PCDHA11: variants seen among roughly 807,000 people sequenced by gnomAD.
PCDHA11 encodes protocadherin alpha 11, also known as protocadherin alpha-11.
Under a neutral mutation model 70.3 loss-of-function variants are expected in PCDHA11, and 61 were observed. The observed-to-expected ratio is 0.87, with a 90% CI of 0.71 to 1.07. PCDHA11 has a LOEUF of 1.07. PCDHA11 is among the 50% of genes least tolerant of loss of function. PCDHA11 has a pLI of 0.00. For missense variants in PCDHA11, 1,324 were observed against 1,237.5 expected, an observed-to-expected ratio of 1.07 and a Z score of -1.05; for synonymous variants, 633 against 555.1, an observed-to-expected ratio of 1.14 and a Z score of -1.97.
intron 1 of PCDHA11, chr5:140,882,774 C>T (rs782785084): frequency 1.2e-6 from 2 of 1,614,228 alleles, no homozygotes; most frequent in Non-Finnish European, 1.7e-6. Flanking sequence ...TCGGCATTGA[C>T]CTACCGACTG....
intron 1 of PCDHA11, among the ~76,000 whole-genome samples, chr5:140,889,158 T>A (rs2062123549): frequency 6.6e-6 from 1 of 151,892 alleles, no homozygotes; most frequent in Non-Finnish European, 1.5e-5. Context: ...TCTTCTTTGT[T>A]AAGTATTCAA....
Position 140,909,713 on chromosome 5 carries a change from C to G in PCDHA11, c.2391+38219C>G, listed in dbSNP as rs6870083. 8.9e-3 allele frequency among the ~76,000 whole-genome samples: 1,356 copies of G among 152,266 alleles called. 15 individuals carry two copies. The highest frequency in any genetic ancestry group is 0.032 in the African/African-American group (1,312 of 41,548). ...GGGTTCTGCTAGCTGCTAAGTATAC[C>G]TATGCCAATTATGCATTCTGGCACT... is the stretch of plus-strand genomic sequence containing the variant. On this transcript the variant is annotated intron_variant, in intron 1 of 3. Transcript: ENST00000398640.
At chr5:140,884,141 G>C in intron 1 of PCDHA11, 1 of 1,613,422 alleles carries the variant, frequency 6.2e-7, no homozygotes, top group South Asian at 1.1e-5. Flanking sequence ...GTTCCGCGTG[G>C]GGCTGTACAC....
intron 1 of PCDHA11, among the ~76,000 whole-genome samples, chr5:140,974,864 C>T (rs949061887): frequency 6.6e-6 from 1 of 152,124 alleles, no homozygotes; most frequent in Non-Finnish European, 1.5e-5. Flanking sequence ...TGCCTTAATG[C>T]GGAACAGTCT....
At chr5:140,876,015 A>G (rs1479938988) in intron 1 of PCDHA11, 3 of 1,613,662 alleles carry the variant, frequency 1.9e-6, no homozygotes, top group Non-Finnish European at 2.5e-6. Flanking sequence ...TTGAGCTTAA[A>G]ATAAAAACAA....
In PCDHA11 at chr5:140,871,159, G is replaced by T. The variant is rs781816033; in HGVS notation, c.2056G>T (p.Ala686Ser). Reference sequence around the variant, plus strand: ...CTCTTCCCGGACTTTGGCGGGCGCCGCGAGCCCAGAGGCTGCGCTGGTGGA... The same window carrying T: ...CTCTTCCCGGACTTTGGCGGGCGCCTCGAGCCCAGAGGCTGCGCTGGTGGA... ...KASSRTLAGAASPEAALVDVN... is the reference protein window; with the variant it reads ...KASSRTLAGASSPEAALVDVN... Residue 686 changes from alanine to serine, a missense_variant, in exon 1 of 4, where the codon GCG (alanine) becomes TCG (serine). By Grantham distance (99) the Ala-to-Ser change is moderately conservative (BLOSUM62 1). Coordinates refer to ENST00000398640, the MANE Select transcript of PCDHA11 (RefSeq NM_018902.5). The T allele has an allele frequency of 1.6e-5, 26 of 1,613,450 alleles. No individual in the cohort carries two copies. The South Asian group carries it at 2.9e-4, about 18-fold the overall frequency.
At chr5:140,895,525 T>G (rs1172545825) in intron 1 of PCDHA11, among the ~76,000 whole-genome samples, 1 of 152,196 alleles carries the variant, frequency 6.6e-6, no homozygotes, top group Non-Finnish European at 1.5e-5. Context: ...GGTTTATTCG[T>G]TTTTCAATTG....
chr5:140,944,301 C>T (rs1320988632), intron 1 of PCDHA11, among the ~76,000 whole-genome samples: 1 of 152,176 alleles, frequency 6.6e-6, no homozygotes, highest in Non-Finnish European at 1.5e-5. Flanking sequence ...GATCCTCCTA[C>T]CTCAGCCTCC....
intron 1 of PCDHA11, chr5:140,968,967 A>G (rs782494657): frequency 2.5e-6 from 4 of 1,614,216 alleles, no homozygotes; most frequent in East Asian, 2.2e-5. Context: ...TGCTACCGCT[A>G]CACTGCGTAT....
chr5:140,870,279 T>C lies in PCDHA11; in HGVS notation c.1176T>C (p.Val392=), dbSNP rs1047130885. The C allele has an allele frequency of 1.9e-6, 3 of 1,614,120 alleles. No homozygotes were observed. The highest frequency in any genetic ancestry group is 2.5e-6 in the Non-Finnish European group (3 of 1,180,014). Residue 392 remains valine (V), a synonymous_variant, in exon 1 of 4, where the codon GTT becomes GTC. Transcript: ENST00000398640. The stretch of plus-strand genomic sequence containing the variant: ...TGACCTGCTCGCTGACGCCCCACGT[T>C]CCCTTCAAGCTGGTGTCCACCTTCA... ...GQVTCSLTPH[V]PFKLVSTFKN...
intron 1 of PCDHA11, among the ~76,000 whole-genome samples, chr5:140,976,448 G>C (rs2096716831): frequency 6.6e-6 from 1 of 152,148 alleles, no homozygotes; most frequent in Non-Finnish European, 1.5e-5. Context: ...CTACTAGGGA[G>C]GCTGGGGAAG....
chr5:141,010,343 G>C lies in PCDHA11; in HGVS notation c.*406G>C. 1 of 1,518,858 alleles carries C rather than the reference G, an allele frequency of 6.6e-7. No homozygotes were observed. Among genetic ancestry groups the C allele is most frequent in the Admixed American group, 2.1e-5 (1 of 46,514 alleles). 94.1% of individuals were successfully genotyped at this position (1,518,858 alleles called of 1,614,324 possible). A position where few individuals can be genotyped will look rare whatever the true frequency, so the allele number is the denominator to read the frequency against. On this transcript the variant is annotated 3_prime_UTR_variant, in exon 4 of 4. Coordinates refer to ENST00000398640, the MANE Select transcript of PCDHA11 (RefSeq NM_018902.5). ...GCAGCTTGGGAGTTTGTGGCCACTGGGTATGTGTGGCTACCGCGGGTATGC... is the reference window on the plus strand; with the variant it reads ...GCAGCTTGGGAGTTTGTGGCCACTGCGTATGTGTGGCTACCGCGGGTATGC...
intron 3 of PCDHA11, among the ~76,000 whole-genome samples, chr5:140,992,758 G>T (rs1160312796): frequency 6.6e-6 from 1 of 152,182 alleles, no homozygotes; most frequent in Non-Finnish European, 1.5e-5. Flanking sequence ...CTGTGTTGGG[G>T]ATAGGAGGGT....
At chr5:140,994,157 G>A (rs958405989) in intron 3 of PCDHA11, among the ~76,000 whole-genome samples, 1 of 152,198 alleles carries the variant, frequency 6.6e-6, no homozygotes, top group Non-Finnish European at 1.5e-5. Context: ...TAGGGTCAAC[G>A]AAGGGGAAGG....
At position 140,869,725 on chromosome 5, in the gene PCDHA11, C is replaced by T. The variant is rs1326402140; in HGVS notation, c.622C>T (p.Leu208Phe). The change falls in exon 1 of 4, where the codon CTT becomes TTT. Residue 208 changes from leucine (L) to phenylalanine (F), a missense_variant. Physicochemically the swap from Leu to Phe is conservative, Grantham distance 22 (BLOSUM62 0). Transcript: ENST00000398640. ...KSLDREKTPE[L>F]NLLLTATDGG... ...TCTGGATAGAGAGAAAACTCCGGAA[C>T]TTAATTTGCTGCTAACAGCTACAGA... is the stretch of plus-strand genomic sequence containing the variant. The T allele has an allele frequency of 6.2e-7, 1 of 1,613,284 alleles. No homozygotes were observed. Among genetic ancestry groups the T allele is most frequent in the Non-Finnish European group, 8.5e-7 (1 of 1,179,868 alleles).
At chr5:140,929,484 T>G (rs1445028927) in intron 1 of PCDHA11, 9 of 1,156,262 alleles carry the variant, frequency 7.8e-6, no homozygotes, top group Non-Finnish European at 1.0e-5. Flanking sequence ...AGTATAGAAG[T>G]ATTAGAAGAT....
intron 1 of PCDHA11, chr5:140,883,326 C>T (rs374138267): frequency 3.1e-6 from 5 of 1,614,044 alleles, no homozygotes; most frequent in Admixed American, 1.7e-5. Flanking sequence ...GTTACCATCA[C>T]TTCTTTGTCA....
chr5:141,010,034 A>G lies in PCDHA11; in HGVS notation c.*97A>G. On this transcript the variant is annotated 3_prime_UTR_variant, in exon 4 of 4. Transcript: ENST00000398640. Reference sequence around the variant, plus strand: ...CCTGCTCCTTTTTCCTATCTACATGAGCCCTCTTAGAGACCTCAGAAATCT... The same window carrying G: ...CCTGCTCCTTTTTCCTATCTACATGGGCCCTCTTAGAGACCTCAGAAATCT... 6.3e-7 allele frequency: 1 copy of G among 1,582,208 alleles called. No individual in the cohort carries two copies.
chr5:140,911,974 A>C (rs1471523711), intron 1 of PCDHA11, among the ~76,000 whole-genome samples: 3 of 152,212 alleles, frequency 2.0e-5, no homozygotes, highest in African/African-American at 4.8e-5. Flanking sequence ...GTATTAACTC[A>C]CATGATCACA....
Sources: allele counts gnomAD v4.1 joint callset (sites outside exome capture counted in the v4.1 genomes callset), GRCh38; gene constraint gnomAD v4.1.1; transcripts MANE v1.5; gene names NCBI Gene and HGNC (gene_info 2026-07-23, HGNC 2026-07-21).